The following CYP39A1 variants were observed in gnomAD, a reference collection of about 807,000 sequenced individuals.
The protein encoded by CYP39A1 is 24-hydroxycholesterol 7-alpha-hydroxylase.
In CYP39A1, 49 loss-of-function variants were observed where a neutral mutation model predicts 58.1. The observed-to-expected ratio is 0.84, with a 90% CI of 0.67 to 1.07. The LOEUF is 1.07. Ranked by LOEUF, CYP39A1 falls within the 50% of genes least tolerant of loss-of-function variation. The pLI is 0.00. For missense variants in CYP39A1, 531 were observed against 539.4 expected (o/e 0.98, Z 0.16); for synonymous variants, 209 against 187.6 (o/e 1.11, Z -0.93).
At chr6:46,596,339 G>A (rs1284333511) in intron 7 of CYP39A1, among the ~76,000 whole-genome samples, 5 of 151,938 alleles carry the variant, frequency 3.3e-5, no homozygotes, top group African/African-American at 1.2e-4. Flanking sequence ...AGCCAATGTT[G>A]ATTACTGTAA....
intron 10 of CYP39A1, among the ~76,000 whole-genome samples, chr6:46,569,130 C>G (rs1349687943): frequency 6.6e-6 from 1 of 151,964 alleles, no homozygotes; most frequent in African/African-American, 2.4e-5. Context: ...TTGTTTTATT[C>G]ATTTTTATGC....
intron 7 of CYP39A1, among the ~76,000 whole-genome samples, chr6:46,599,391 A>C (rs1338995841): frequency 1.3e-5 from 2 of 152,206 alleles, no homozygotes; most frequent in Non-Finnish European, 2.9e-5. Flanking sequence ...AATAAAGAGC[A>C]TGTTCAGATA....
chr6:46,582,545 C>T (rs116125477), intron 10 of CYP39A1, among the ~76,000 whole-genome samples: 1,643 of 152,064 alleles, frequency 0.011, 26 homozygotes, highest in African/African-American at 0.038. Flanking sequence ...AGGAAGCTGA[C>T]CTTTCTTTTA....
chr6:46,595,495 C>T (rs979341865), intron 8 of CYP39A1, among the ~76,000 whole-genome samples: 2 of 151,754 alleles, frequency 1.3e-5, no homozygotes, highest in South Asian at 2.1e-4. Flanking sequence ...GAATGACAAA[C>T]CACATATAAG....
At position 46,580,969 on chromosome 6, in the gene CYP39A1, T is replaced by C. The variant is rs1345736499; in HGVS notation, c.1250+6108A>G. ...TTTCTCAAAGAACTTAGAACTACCA[T>C]TCAACCCAGCAATCCCATTATACCC... On this transcript the variant is annotated intron_variant, in intron 10 of 11. Transcript: ENST00000275016. Among the ~76,000 whole-genome samples, 4 of 152,168 alleles carry C rather than the reference T, an allele frequency of 2.6e-5. No individual in the cohort carries two copies. In the East Asian group the frequency reaches 7.7e-4, roughly 29 times the overall value.
chr6:46,602,844 C>A (rs1401310181), intron 7 of CYP39A1, among the ~76,000 whole-genome samples: 1 of 145,450 alleles, frequency 6.9e-6, no homozygotes, highest in African/African-American at 2.6e-5. Context: ...TAGGTAAATA[C>A]ACTTAGTGGG....
chr6:46,615,013 T>C (rs1221297420), intron 7 of CYP39A1, among the ~76,000 whole-genome samples: 2 of 152,156 alleles, frequency 1.3e-5, no homozygotes, highest in Non-Finnish European at 2.9e-5. Context: ...TTTATTTCAG[T>C]AACTCTTGAT....
chr6:46,608,537 A>G, intron 7 of CYP39A1, among the ~76,000 whole-genome samples: 1 of 152,218 alleles, frequency 6.6e-6, no homozygotes, highest in Middle Eastern at 3.4e-3. Context: ...CTATTTTTTA[A>G]TAAAATATAT....
chr6:46,580,693 T>C (rs1375076578), intron 10 of CYP39A1, among the ~76,000 whole-genome samples: 39 of 151,730 alleles, frequency 2.6e-4, no homozygotes, highest in Admixed American at 2.4e-3. Context: ...GCAAATAATA[T>C]GAACAGACAT....
chr6:46,624,360 G>T (rs1426923541), intron 7 of CYP39A1, among the ~76,000 whole-genome samples: 4 of 152,150 alleles, frequency 2.6e-5, no homozygotes, highest in Non-Finnish European at 5.9e-5. Context: ...CTGCACAAAG[G>T]CCAGTTGTCT....
chr6:46,583,654 A>T, intron 10 of CYP39A1: 2 of 921,210 alleles, frequency 2.2e-6, no homozygotes, highest in Non-Finnish European at 2.6e-6. Context: ...ATTTTCTTCC[A>T]TGTGCTACAA....
intron 7 of CYP39A1, among the ~76,000 whole-genome samples, chr6:46,624,961 T>C (rs1201568529): frequency 2.0e-5 from 3 of 152,172 alleles, no homozygotes; most frequent in Admixed American, 2.0e-4. Context: ...TTTTTGTTTG[T>C]TGTCTTTTAA....
intron 5 of CYP39A1, among the ~76,000 whole-genome samples, chr6:46,633,087 A>C (rs1775758348): frequency 6.6e-6 from 1 of 152,220 alleles, no homozygotes; most frequent in South Asian, 2.1e-4. Flanking sequence ...TGTGAAAATA[A>C]ATAAGAAATT....
At chr6:46,619,919 A>G (rs1232329887) in intron 7 of CYP39A1, among the ~76,000 whole-genome samples, 1 of 152,126 alleles carries the variant, frequency 6.6e-6, no homozygotes, top group East Asian at 1.9e-4. Context: ...TAAGCCTGGG[A>G]GGTTTTCCAA....
intron 10 of CYP39A1, among the ~76,000 whole-genome samples, chr6:46,558,072 C>A (rs1770754516): frequency 6.8e-6 from 1 of 148,098 alleles, no homozygotes; most frequent in Non-Finnish European, 1.5e-5. Context: ...TAAAGAACAA[C>A]AAACATTAAA....
intron 7 of CYP39A1, among the ~76,000 whole-genome samples, chr6:46,623,403 C>T (rs961872541): frequency 6.6e-6 from 1 of 151,618 alleles, no homozygotes; most frequent in Non-Finnish European, 1.5e-5. Context: ...CTTGACTGGC[C>T]ATGGGGTATT....
intron 10 of CYP39A1, among the ~76,000 whole-genome samples, chr6:46,564,251 G>T (rs1771158510): frequency 6.6e-6 from 1 of 151,112 alleles, no homozygotes; most frequent in Non-Finnish European, 1.5e-5. Flanking sequence ...AAGTGCAGTG[G>T]TGTGATCTCG....
At chr6:46,614,737 T>C (rs746660531) in intron 7 of CYP39A1, among the ~76,000 whole-genome samples, 13 of 152,156 alleles carry the variant, frequency 8.5e-5, no homozygotes, top group Non-Finnish European at 1.6e-4. Context: ...CTAGCTGATT[T>C]AGTAAAATAA....
At chr6:46,565,428 A>C (rs1352773219) in intron 10 of CYP39A1, among the ~76,000 whole-genome samples, 1 of 152,096 alleles carries the variant, frequency 6.6e-6, no homozygotes, top group Admixed American at 6.6e-5. Flanking sequence ...AAAAAGAACA[A>C]AATGGGAAGA....
Sources: gnomAD v4.1 joint callset for allele counts (sites outside exome capture counted in the v4.1 genomes callset) on GRCh38, gnomAD v4.1.1 for gene constraint, MANE v1.5 for transcripts, NCBI Gene and HGNC (gene_info 2026-07-23, HGNC 2026-07-21) for gene names.